Variants in SOX6 observed in about 807,000 individuals in gnomAD.
SOX6 encodes SRY-box transcription factor 6.
A neutral mutation model predicts 97.8 loss-of-function variants in SOX6; 11 were observed. That is an observed-to-expected ratio of 0.11 (90% CI 0.07 to 0.19). The LOEUF (loss-of-function observed/expected upper bound fraction) is 0.19, where lower values mean the gene tolerates loss of function less well. Ranked by LOEUF, SOX6 falls within the 10% of genes least tolerant of loss-of-function variation. The pLI is 1.00. For missense variants in SOX6, 810 were observed against 1,039.5 expected (o/e 0.78, Z 3.04); for synonymous variants, 360 against 371.4 (o/e 0.97, Z 0.35).
intron 6 of SOX6, among the ~76,000 whole-genome samples, chr11:16,178,701 G>A (rs2134094848): frequency 6.6e-6 from 1 of 151,888 alleles, no homozygotes; most frequent in African/African-American, 2.4e-5. Flanking sequence ...CCTTTTCAGA[G>A]AAAGTTGGAA....
chr11:16,197,761 A>G (rs1172228290), intron 4 of SOX6, among the ~76,000 whole-genome samples: 1 of 152,194 alleles, frequency 6.6e-6, no homozygotes, highest in African/African-American at 2.4e-5. Flanking sequence ...ACAGAAAATA[A>G]TGGAATGTCA....
chr11:16,689,503 C>T (rs1015027547), intron 3 of SOX6, among the ~76,000 whole-genome samples: 2 of 151,974 alleles, frequency 1.3e-5, no homozygotes, highest in Non-Finnish European at 2.9e-5. Context: ...TTTATTTTTT[C>T]CTTCATATAC....
intron 9 of SOX6, among the ~76,000 whole-genome samples, chr11:16,061,573 C>A (rs1301426185): frequency 1.3e-5 from 2 of 151,558 alleles, no homozygotes; most frequent in Non-Finnish European, 3.0e-5. Context: ...CAAAAAAGAG[C>A]CCCAAGAGTC....
chr11:16,089,915 C>T (rs1215740715), intron 9 of SOX6, among the ~76,000 whole-genome samples: 1 of 152,034 alleles, frequency 6.6e-6, no homozygotes, highest in African/African-American at 2.4e-5. Flanking sequence ...TTCTAAAATG[C>T]TAGAATGTTT....
At chr11:16,469,029 G>A (rs1368176974) in intron 1 of SOX6, among the ~76,000 whole-genome samples, 1 of 151,516 alleles carries the variant, frequency 6.6e-6, no homozygotes, top group African/African-American at 2.4e-5. Flanking sequence ...GGCACAATAT[G>A]TAGTAAGCAA....
chr11:16,112,634 T>A (rs1173476395), intron 6 of SOX6, among the ~76,000 whole-genome samples: 1 of 152,222 alleles, frequency 6.6e-6, no homozygotes, highest in Non-Finnish European at 1.5e-5. Flanking sequence ...AAATTTCATT[T>A]GACCTCAATA....
intron 3 of SOX6, among the ~76,000 whole-genome samples, chr11:16,670,829 G>C (rs1847842930): frequency 6.6e-6 from 1 of 151,526 alleles, no homozygotes; most frequent in South Asian, 2.1e-4. Context: ...TGCCAGAGCT[G>C]CAGTGGGCAG....
chr11:16,166,695 G>T (rs1197830298), intron 6 of SOX6, among the ~76,000 whole-genome samples: 1 of 152,192 alleles, frequency 6.6e-6, no homozygotes, highest in Non-Finnish European at 1.5e-5. Flanking sequence ...AACCTTGACT[G>T]AGTCAGGGGA....
intron 6 of SOX6, among the ~76,000 whole-genome samples, chr11:16,122,867 C>T (rs1849526813): frequency 1.3e-5 from 2 of 152,020 alleles, no homozygotes; most frequent in South Asian, 4.1e-4. Context: ...TTTTAATCTG[C>T]TGAATCAAGT....
intron 1 of SOX6, among the ~76,000 whole-genome samples, chr11:16,439,142 C>G (rs1001796318): frequency 1.3e-5 from 2 of 152,038 alleles, no homozygotes; most frequent in Non-Finnish European, 2.9e-5. Flanking sequence ...GAATGGCCAA[C>G]AGAAAAACTA....
At chr11:16,427,317 C>T (rs1407544359) in intron 1 of SOX6, among the ~76,000 whole-genome samples, 1 of 115,752 alleles carries the variant, frequency 8.6e-6, no homozygotes, top group Non-Finnish European at 1.7e-5. Context: ...ACGGACATGA[C>T]CATGCACTTT....
At chr11:16,502,726 T>C (rs111334154) in intron 4 of SOX6, among the ~76,000 whole-genome samples, 18 of 152,230 alleles carry the variant, frequency 1.2e-4, no homozygotes, top group African/African-American at 1.9e-4. Flanking sequence ...TGGGACACCA[T>C]AAAGTGACCT....
rs1289493355 is a variant in SOX6, at chr11:16,132,321, AGG to A, written c.778-20400_778-20399del. Among the ~76,000 whole-genome samples the A allele has an allele frequency of 2.7e-3, 326 of 118,772 alleles. 1 individual carries two copies. Among genetic ancestry groups the A allele is most frequent in the Middle Eastern group, 8.1e-3 (2 of 248 alleles). The allele number at this position is 118,772 out of a possible 152,430, so 77.9% of individuals were successfully genotyped here. A position where few individuals can be genotyped will look rare whatever the true frequency, so the allele number is the denominator to read the frequency against. On this transcript the variant is annotated intron_variant, in intron 6 of 15. Transcript: ENST00000683767. ...AAGGAAGGAAGGAAGGAAGGAAGGA[AGG>A]AAGGAAGGAAAGAAAAAAGAAAGAA...
chr11:16,324,850 C>T (rs1856029109), intron 2 of SOX6, among the ~76,000 whole-genome samples: 1 of 152,020 alleles, frequency 6.6e-6, no homozygotes, highest in Non-Finnish European at 1.5e-5. Flanking sequence ...AGACAAATAT[C>T]ACATGTTCTC....
chr11:16,011,992 G>T (rs1474631004), intron 13 of SOX6, among the ~76,000 whole-genome samples: 3 of 151,960 alleles, frequency 2.0e-5, no homozygotes, highest in African/African-American at 7.2e-5. Context: ...TTCCTCACTA[G>T]ACCATATGTT....
At chr11:16,271,546 C>T (rs1171812969) in intron 3 of SOX6, among the ~76,000 whole-genome samples, 11 of 151,374 alleles carry the variant, frequency 7.3e-5, no homozygotes. Context: ...CTATGGAAAT[C>T]AATCTCTTTA....
At chr11:16,694,729 T>C (rs1172552382) in intron 3 of SOX6, among the ~76,000 whole-genome samples, 2 of 152,160 alleles carry the variant, frequency 1.3e-5, no homozygotes, top group African/African-American at 4.8e-5. Context: ...ACACAGCACC[T>C]ACCAAAGTTC....
chr11:16,696,572 A>T (rs1848055371), intron 3 of SOX6, among the ~76,000 whole-genome samples: 1 of 152,222 alleles, frequency 6.6e-6, no homozygotes, highest in South Asian at 2.1e-4. Context: ...TGCATATAAA[A>T]GTTTTGTTTG....
intron 6 of SOX6, among the ~76,000 whole-genome samples, chr11:16,176,070 C>CGGGT (rs1554940275): frequency 4.7e-5 from 7 of 148,304 alleles, no homozygotes; most frequent in Non-Finnish European, 1.0e-4. Flanking sequence ...GACGGACGGA[C>CGGGT]GGATGGATGG....
Sources: gnomAD v4.1 joint callset for allele counts (sites outside exome capture counted in the v4.1 genomes callset) on GRCh38, gnomAD v4.1.1 for gene constraint, MANE v1.5 for transcripts, NCBI Gene and HGNC (gene_info 2026-07-23, HGNC 2026-07-21) for gene names.